The following SLC26A9 variants were observed in gnomAD, a reference collection of about 807,000 sequenced individuals.
SLC26A9 encodes anion transporter/exchanger protein 9.
SLC26A9 carries 46 observed loss-of-function variants against 87.1 expected under a neutral mutation model. The ratio of observed to expected loss-of-function variants is 0.53; its 90% confidence interval spans 0.42 to 0.67. SLC26A9 has a LOEUF of 0.67. SLC26A9 is among the 30% of genes least tolerant of loss of function. The pLI is 0.00. For missense variants in SLC26A9, 927 were observed against 1,018.3 expected, an observed-to-expected ratio of 0.91 and a Z score of 1.22; for synonymous variants, 437 against 409.1, an observed-to-expected ratio of 1.07 and a Z score of -0.82.
Position 205,915,011 on chromosome 1 carries a change from G to T in SLC26A9, c.*346C>A, listed in dbSNP as rs147712135. 3 of 1,614,062 alleles carry T rather than the reference G, an allele frequency of 1.9e-6. No homozygotes were observed. Among genetic ancestry groups the T allele is most frequent in the African/African-American group, 2.7e-5 (2 of 74,912 alleles). ...TTGTCCTTCTGTTTTTGGCTCACTC[G>T]TAAAAGCTGGAAGTCAAGGTGTCCT... On this transcript the variant is annotated 3_prime_UTR_variant, in exon 21 of 21. Transcript: ENST00000367135.
At chr1:205,922,966 T>A in intron 16 of SLC26A9, 116 bp downstream of exon 16, 1 of 847,474 alleles carries the variant, frequency 1.2e-6, no homozygotes, top group South Asian at 1.5e-5. Flanking sequence ...CCAGAGACTT[T>A]CTGTCTTTGC....
chr1:205,936,601 C>A (rs547723355), intron 1 of SLC26A9, among the ~76,000 whole-genome samples: 3 of 152,054 alleles, frequency 2.0e-5, no homozygotes, highest in African/African-American at 4.8e-5. Context: ...CCTGTAGGAA[C>A]CTTTCCCCCT....
At chr1:205,939,598 C>G (rs1659654125) in intron 1 of SLC26A9, among the ~76,000 whole-genome samples, 1 of 152,018 alleles carries the variant, frequency 6.6e-6, no homozygotes, top group African/African-American at 2.4e-5. Context: ...CCAGCCAGCC[C>G]TTCAGGTGAG....
intron 5 of SLC26A9, 169 bp from the exon 6 acceptor site, chr1:205,930,225 C>T (rs1187939514): frequency 3.4e-6 from 2 of 585,594 alleles, no homozygotes; most frequent in Non-Finnish European, 5.5e-6. Context: ...CTGTGCTCTA[C>T]ATGGCTGCCA....
Position 205,921,630 on chromosome 1 carries a change from G to A in SLC26A9, c.1991C>T (p.Thr664Ile). 6.2e-7 allele frequency: 1 copy of A among 1,611,056 alleles called. No individual in the cohort carries two copies. Among genetic ancestry groups the A allele is most frequent in the Non-Finnish European group, 8.5e-7 (1 of 1,178,872 alleles). Residue 664 changes from threonine (T) to isoleucine (I), a missense_variant, in exon 17 of 21, where the codon ACC becomes ATC. Physicochemically the swap from Thr to Ile is moderately conservative, Grantham distance 89. Coordinates refer to ENST00000367135, the MANE Select transcript of SLC26A9 (RefSeq NM_052934.4). ...ASVPPFVTFH[T>I]LILDMSGVSF... ...GACTCCACTCATGTCCAGGATGAGG[G>A]TGTGGAAGGTGACGAAGGGTGGGAC...
chr1:205,935,588 T>C (rs1659476911), intron 2 of SLC26A9, 108 bp downstream of exon 2: 2 of 1,511,180 alleles, frequency 1.3e-6, no homozygotes, highest in African/African-American at 1.4e-5. Flanking sequence ...TCCCCAGGGC[T>C]TCCCTTAACC....
rs371224623 is a variant in SLC26A9, at chr1:205,923,612, G to A, written c.1498C>T (p.Arg500Ter). 5.0e-6 allele frequency: 8 copies of A among 1,614,140 alleles called. No homozygotes were observed. The highest frequency in any genetic ancestry group is 3.3e-5 in the South Asian group (3 of 91,050). ...ACCTGGGCCAGTGCATAGCCATTTC[G>A]ACTGGATGAAGCAGGAAGAGAAAAA... ...VLVVVFQTQFRNGYALAQVMD... is the reference protein window; with the variant it reads ...VLVVVFQTQF Residue 500 changes from arginine (R) to a stop codon, truncating the protein, a stop_gained and splice_region_variant, in exon 14 of 21, where the codon CGA becomes TGA. Transcript: ENST00000367135. LOFTEE classifies it high-confidence loss of function.
At chr1:205,941,348 T>G (rs983153564) in intron 1 of SLC26A9, among the ~76,000 whole-genome samples, 1 of 152,218 alleles carries the variant, frequency 6.6e-6, no homozygotes, top group East Asian at 1.9e-4. Flanking sequence ...TTTTTTATAT[T>G]TTTAGTAGAG....
At chr1:205,937,986 A>G (rs751958974) in intron 1 of SLC26A9, among the ~76,000 whole-genome samples, 2 of 152,114 alleles carry the variant, frequency 1.3e-5, no homozygotes, top group Non-Finnish European at 2.9e-5. Flanking sequence ...TTCCACACCA[A>G]CCAGCAGGCA....
chr1:205,932,226 A>G (rs16856505), intron 4 of SLC26A9, among the ~76,000 whole-genome samples, 191 bp from the exon 5 acceptor site: 2,252 of 152,354 alleles, frequency 0.015, 53 homozygotes, highest in African/African-American at 0.052. Flanking sequence ...TTTTACCCCA[A>G]TGGTCAATAT....
rs1402995229 is a variant in SLC26A9 at position 205,924,406 on chromosome 1, C to T, written c.1473G>A (p.Leu491=). Residue 491 remains leucine, a synonymous_variant, in exon 13 of 21, where the codon CTG becomes CTA. Coordinates refer to ENST00000367135, the MANE Select transcript of SLC26A9 (RefSeq NM_052934.4). ...ACAACTGAGTCTGGAAGACCACGAC[C>T]AGGACGGAGAAGGCGACACCCACTG... is the stretch of plus-strand genomic sequence containing the variant. The part of the protein sequence containing the change: ...GVAVGVAFSV[L]VVVFQTQFRN... 2.5e-6 allele frequency: 4 copies of T among 1,614,052 alleles called. No individual in the cohort carries two copies. The African/African-American group carries it at 4.0e-5, about 16-fold the overall frequency.
intron 2 of SLC26A9, among the ~76,000 whole-genome samples, chr1:205,933,500 C>T (rs748628428): frequency 6.6e-6 from 1 of 152,168 alleles, no homozygotes. Flanking sequence ...TGTGTGCATT[C>T]CTTGCTTTTT....
chr1:205,924,125 C>A (rs1262504876), intron 13 of SLC26A9, among the ~76,000 whole-genome samples: 3 of 152,140 alleles, frequency 2.0e-5, no homozygotes, highest in Non-Finnish European at 4.4e-5. Context: ...CTTTCTCTGC[C>A]ACTGCCCTCT....
chr1:205,929,509 G>A (rs1001137918), intron 6 of SLC26A9, among the ~76,000 whole-genome samples, 153 bp from the exon 7 acceptor site: 26 of 152,148 alleles, frequency 1.7e-4, no homozygotes, highest in Admixed American at 3.9e-4. Flanking sequence ...CTGTCCCGTC[G>A]CCCACCGCCC....
chr1:205,942,497 G>A (rs930672740), intron 1 of SLC26A9, among the ~76,000 whole-genome samples: 1 of 152,228 alleles, frequency 6.6e-6, no homozygotes, highest in African/African-American at 2.4e-5. Context: ...CCAAGTGTAA[G>A]GGGGCAGTTG....
rs188902368 is a variant in SLC26A9, at chr1:205,916,374, G to C, written c.2328+909C>G. 2.0e-4 allele frequency among the ~76,000 whole-genome samples: 31 copies of C among 152,328 alleles called. No homozygotes were observed. The East Asian group carries it at 6.0e-3, about 29-fold the overall frequency. On this transcript the variant is annotated intron_variant, in intron 20 of 20. Transcript: ENST00000367135. ...AGCCTCCCAAAGTGCTGGGATTACA[G>C]GTGTGAACCATTGCACCCAGCCACA...
rs1658484339 is a variant in SLC26A9, at chr1:205,914,259, A to T, written c.*1098T>A. On this transcript the variant is annotated 3_prime_UTR_variant, in exon 21 of 21. Coordinates refer to ENST00000367135, the MANE Select transcript of SLC26A9 (RefSeq NM_052934.4). ...CCCTGGAGGACTTCCACCTTTGCCT[A>T]CAGAAGGACCCCATTGTGTCTCTGG... The T allele has an allele frequency of 6.6e-6, 1 of 152,366 alleles. No homozygotes were observed. The allele number at this position is 152,366 out of a possible 1,614,324, so 9.4% of individuals were successfully genotyped here. A position where few individuals can be genotyped will look rare whatever the true frequency, so the allele number is the denominator to read the frequency against.
chr1:205,925,510 CA>C (rs1659030448), intron 12 of SLC26A9, among the ~76,000 whole-genome samples: 1 of 152,194 alleles, frequency 6.6e-6, no homozygotes, highest in South Asian at 2.1e-4. Flanking sequence ...GGGTTATGGT[CA>C]AAGCAGATCC....
At position 205,915,252 on chromosome 1, in the gene SLC26A9, G is replaced by C. The variant is rs1658535751; in HGVS notation, c.*105C>G. 7 of 1,599,702 alleles carry C rather than the reference G, an allele frequency of 4.4e-6. No homozygotes were observed. The East Asian group carries it at 1.3e-4, about 31-fold the overall frequency. ...GGAGAGAGGAACCCAAGCTCTGGGG[G>C]ATGCACTTTCCTCCGCCCGACACCC... On this transcript the variant is annotated 3_prime_UTR_variant, in exon 21 of 21. Coordinates refer to ENST00000367135, the MANE Select transcript of SLC26A9 (RefSeq NM_052934.4).
Sources: gnomAD v4.1 joint callset for allele counts (sites outside exome capture counted in the v4.1 genomes callset) on GRCh38, gnomAD v4.1.1 for gene constraint, MANE v1.5 for transcripts, NCBI Gene and HGNC (gene_info 2026-07-23, HGNC 2026-07-21) for gene names.